Variants in MROH1 observed in about 807,000 individuals in gnomAD.
The protein encoded by MROH1 is maestro heat-like repeat-containing protein family member 1.
A neutral mutation model predicts 116.5 loss-of-function variants in MROH1; 117 were observed. That is an observed-to-expected ratio of 1.00 (90% confidence interval 0.86 to 1.17). The LOEUF (loss-of-function observed/expected upper bound fraction) is 1.17, where lower values mean the gene tolerates loss of function less well. MROH1 is among the 50% of genes most tolerant of loss of function. The pLI, the probability that MROH1 is intolerant of heterozygous loss-of-function variation, is 0.00. For synonymous variants in MROH1, 921 were observed against 583.9 expected (o/e 1.58, Z -8.32); for missense variants, 1,873 against 1,338.5 (o/e 1.40, Z -6.23).
chr8:144,250,156 G>A (rs1348759243), intron 32 of MROH1, 56 bp from the exon 33 acceptor site: 33 of 742,742 alleles, frequency 4.4e-5, no homozygotes, highest in Admixed American at 4.3e-4. Flanking sequence ...TGGCGTAGGT[G>A]TGCCCACAGC....
chr8:144,258,055 A>T (rs899742531), intron 35 of MROH1, among the ~76,000 whole-genome samples: 5 of 152,156 alleles, frequency 3.3e-5, no homozygotes, highest in Non-Finnish European at 5.9e-5. Flanking sequence ...CTCAGCAGGG[A>T]AGGGCTCATC....
At chr8:144,151,074 C>G (rs2130445720) in intron 1 of MROH1, among the ~76,000 whole-genome samples, 1 of 151,840 alleles carries the variant, frequency 6.6e-6, no homozygotes, top group East Asian at 1.9e-4. Context: ...ATGGTGAAAC[C>G]CCGTCTCCAC....
chr8:144,205,202 G>C (rs1372008388), intron 12 of MROH1, among the ~76,000 whole-genome samples: 1 of 152,178 alleles, frequency 6.6e-6, no homozygotes, highest in Non-Finnish European at 1.5e-5. Flanking sequence ...AAGTCATCAA[G>C]TTTTCAATGA....
Position 144,260,321 on chromosome 8 carries a change from C to G in MROH1, c.4327C>G (p.Leu1443Val). The G allele has an allele frequency of 1.3e-6, 1 of 745,308 alleles. No individual in the cohort carries two copies. The allele number at this position is 745,308 out of a possible 1,614,324, so 46.2% of individuals were successfully genotyped here. ...RLVHLVESWD[L>V]RSGLLHVAIR... is the part of the protein sequence containing the mutation. ...GGTGCACCTGGTGGAGTCCTGGGACCTGCGCTCAGGGCTGCTGCACGTGGC... is the reference window on the plus strand; with the variant it reads ...GGTGCACCTGGTGGAGTCCTGGGACGTGCGCTCAGGGCTGCTGCACGTGGC... The change falls in exon 39 of 44, where the codon CTG becomes GTG. Residue 1443 changes from leucine to valine, a missense_variant. Physicochemically the swap from Leu to Val is conservative, Grantham distance 32. Coordinates refer to ENST00000326134, the MANE Select transcript of MROH1 (RefSeq NM_032450.3).
Position 144,180,516 on chromosome 8 carries a change from C to G in MROH1, c.555C>G (p.Phe185Leu). The G allele has an allele frequency of 6.2e-7, 1 of 1,609,820 alleles. No individual in the cohort carries two copies. Among genetic ancestry groups the G allele is most frequent in the African/African-American group, 1.3e-5 (1 of 75,054 alleles). ...AGCAGGACACGGTGCGCGTGGCCTT[C>G]TGCTCCGGTAAGAGGCGGCCTCGTC... ...VAKQDTVRVA[F>L]CSALQRFSEG... Residue 185 changes from phenylalanine to leucine, a missense_variant, in exon 7 of 44, where the codon TTC (phenylalanine) becomes TTG (leucine). Transcript: ENST00000326134. The surrounding 1 kb of genome is among the most constrained non-coding windows in gnomAD (Gnocchi z 7.4).
At chr8:144,198,884 C>T (rs1254235402) in intron 10 of MROH1, among the ~76,000 whole-genome samples, 1 of 152,154 alleles carries the variant, frequency 6.6e-6, no homozygotes, top group Admixed American at 6.6e-5. Context: ...TCTCCCTCCT[C>T]TCCCCCACCG....
At chr8:144,224,650 G>T (rs1554820286) in intron 14 of MROH1, among the ~76,000 whole-genome samples, 1 of 152,234 alleles carries the variant, frequency 6.6e-6, no homozygotes, top group Non-Finnish European at 1.5e-5. Context: ...GGGGTTCAGT[G>T]TATCGACCTT....
At chr8:144,186,313 G>T (rs1040734658) in intron 7 of MROH1, among the ~76,000 whole-genome samples, 1 of 151,982 alleles carries the variant, frequency 6.6e-6, no homozygotes, top group African/African-American at 2.4e-5. Context: ...GTAGAGACGG[G>T]GTTTCCCCAT....
At position 144,190,844 on chromosome 8, in the gene MROH1, A is replaced by AC; in HGVS notation, c.627dup (p.Thr210HisfsTer48). 3 of 1,613,692 alleles carry AC rather than the reference A, an allele frequency of 1.9e-6. No homozygotes were observed. Among genetic ancestry groups the AC allele is most frequent in the Non-Finnish European group, 2.5e-6 (3 of 1,179,858 alleles). On this transcript the variant is annotated frameshift_variant, in exon 8 of 44. Coordinates refer to ENST00000326134, the MANE Select transcript of MROH1 (RefSeq NM_032450.3). LOFTEE classifies it high-confidence loss of function. Reference sequence around the variant, plus strand: ...CTAGCCAACCTGGACCGAGCCCCAGACCCCACGGTCAGGAAGGACGCCTTT... The same window carrying AC: ...CTAGCCAACCTGGACCGAGCCCCAGACCCCCACGGTCAGGAAGGACGCCTTT...
At chr8:144,249,404 A>T (rs1842460958) in intron 32 of MROH1, among the ~76,000 whole-genome samples, 1 of 152,096 alleles carries the variant, frequency 6.6e-6, no homozygotes, top group South Asian at 2.1e-4. Context: ...GGCAAGCCTG[A>T]CCTCATGGCC....
At chr8:144,253,015 G>A (rs1249589157) in intron 33 of MROH1, among the ~76,000 whole-genome samples, 3 of 150,938 alleles carry the variant, frequency 2.0e-5, no homozygotes, top group East Asian at 1.9e-4. Context: ...TTAGCTAGGC[G>A]TGGCAGCACG....
intron 14 of MROH1, among the ~76,000 whole-genome samples, chr8:144,230,815 T>C (rs1427930862): frequency 1.4e-5 from 2 of 145,210 alleles, no homozygotes; most frequent in South Asian, 2.1e-4. Context: ...TTTTTTTTTT[T>C]TTTTTTTTTT....
intron 10 of MROH1, chr8:144,192,630 T>G (rs1588053465): frequency 2.9e-6 from 2 of 687,568 alleles, no homozygotes; most frequent in Non-Finnish European, 5.3e-6. Flanking sequence ...AGGATGGAGG[T>G]GGCAGGAGTG....
At chr8:144,205,432 G>C (rs1832603290) in intron 12 of MROH1, among the ~76,000 whole-genome samples, 1 of 151,602 alleles carries the variant, frequency 6.6e-6, no homozygotes, top group Admixed American at 6.6e-5. Flanking sequence ...GATTTGACTG[G>C]GATTTTCCTT....
intron 10 of MROH1, among the ~76,000 whole-genome samples, chr8:144,194,466 A>T (rs989666205): frequency 1.3e-5 from 2 of 152,172 alleles, no homozygotes; most frequent in Non-Finnish European, 2.9e-5. Flanking sequence ...AGTGTTAGGC[A>T]ATTCCCTGTA....
At position 144,260,242 on chromosome 8, in the gene MROH1, G is replaced by A. The variant is rs1844767130; in HGVS notation, c.4248G>A (p.Gly1416=). 1.3e-6 allele frequency: 1 copy of A among 766,122 alleles called. No individual in the cohort carries two copies. Among genetic ancestry groups the A allele is most frequent in the South Asian group, 1.3e-5 (1 of 74,464 alleles). The allele number at this position is 766,122 out of a possible 1,614,324, so 47.5% of individuals were successfully genotyped here. Residue 1416 remains glycine (G), a synonymous_variant, in exon 39 of 44, where the codon GGG becomes GGA. Transcript: ENST00000326134. The part of the protein sequence containing the change: ...LTAMIGGLDD[G]DNPHSPVALE... ...CCATGATTGGCGGGCTGGACGACGG[G>A]GACAACCCTCACAGCCCAGTGGCCC...
chr8:144,170,167 T>G (rs1039042612), intron 4 of MROH1, among the ~76,000 whole-genome samples: 1 of 152,154 alleles, frequency 6.6e-6, no homozygotes, highest in African/African-American at 2.4e-5. Flanking sequence ...TGGGGGAGAA[T>G]GAGGAGGAGA....
chr8:144,253,643 C>T (rs1265025734), intron 33 of MROH1, among the ~76,000 whole-genome samples: 10 of 152,086 alleles, frequency 6.6e-5, no homozygotes, highest in African/African-American at 2.4e-4. Context: ...CACTCACGCC[C>T]AGCCCTCTGC....
intron 14 of MROH1, among the ~76,000 whole-genome samples, chr8:144,223,695 G>A (rs1051418347): frequency 3.9e-5 from 6 of 152,190 alleles, no homozygotes; most frequent in Admixed American, 6.5e-5. Context: ...AAGGTAGAAC[G>A]TGGTGAAATA....
Sources: gnomAD v4.1 joint callset for allele counts (sites outside exome capture counted in the v4.1 genomes callset) on GRCh38, gnomAD v4.1.1 for gene constraint, Gnocchi (gnomAD v3.1) non-coding constraint, MANE v1.5 for transcripts, NCBI Gene and HGNC (gene_info 2026-07-23, HGNC 2026-07-21) for gene names.